Variants in UNC79 observed in about 807,000 individuals in gnomAD.
The protein encoded by UNC79 is protein unc-79 homolog.
UNC79 carries 37 observed loss-of-function variants against 283.1 expected under a neutral mutation model. The ratio of observed to expected loss-of-function variants is 0.13; its 90% CI spans 0.10 to 0.17. UNC79 has a LOEUF of 0.17. UNC79 is among the 10% of genes least tolerant of loss of function. The pLI is 1.00. For missense variants in UNC79, 2,272 were observed against 3,211.1 expected (o/e 0.71, Z 7.07); for synonymous variants, 1,107 against 1,200.2 (o/e 0.92, Z 1.61).
At chr14:93,472,896 C>G (rs1175462935) in intron 2 of UNC79, among the ~76,000 whole-genome samples, 1 of 152,084 alleles carries the variant, frequency 6.6e-6, no homozygotes, top group Non-Finnish European at 1.5e-5. Context: ...TTTGCAAGTG[C>G]GCAGATATTA....
intron 31 of UNC79, among the ~76,000 whole-genome samples, chr14:93,635,537 A>G (rs925793912): frequency 6.6e-6 from 1 of 152,218 alleles, no homozygotes; most frequent in African/African-American, 2.4e-5. Flanking sequence ...TATGAATTAT[A>G]ATATCCACAA....
chr14:93,514,847 T>C (rs2059982020), intron 7 of UNC79, among the ~76,000 whole-genome samples: 1 of 152,234 alleles, frequency 6.6e-6, no homozygotes, highest in Non-Finnish European at 1.5e-5. Context: ...CTGTGCTGTA[T>C]CTATGCCCAA....
rs189338478 is a variant in UNC79 at position 93,366,355 on chromosome 14, C to T, written c.-351+32832C>T. Among the ~76,000 whole-genome samples, 275 of 152,234 alleles carry T rather than the reference C, an allele frequency of 1.8e-3. 1 individual carries two copies. Among genetic ancestry groups the T allele is most frequent in the South Asian group, 5.8e-3 (28 of 4,816 alleles). On this transcript the variant is annotated intron_variant, in intron 1 of 49. Coordinates refer to the UNC79 transcript ENST00000256339. Reference sequence around the variant, plus strand: ...GATCCGAAACAGTATCTGTTCAGTGCATCTTTCCATGGCTCTCAGGTTCTT... The same window carrying T: ...GATCCGAAACAGTATCTGTTCAGTGTATCTTTCCATGGCTCTCAGGTTCTT...
rs2057707302 is a variant in UNC79, at chr14:93,474,814, T to C, written c.448+421T>C. On this transcript the variant is annotated intron_variant, in intron 3 of 48. Coordinates refer to ENST00000555664, the Ensembl canonical transcript of UNC79. The surrounding 1 kb of genome is among the most constrained non-coding windows in gnomAD (Gnocchi z 4.1). Reference sequence around the variant, plus strand: ...TTCGGTAATTTTTGAGGGAGCAAATTCTCTAGGACCCATTTTTTCCTGTCT... The same window carrying C: ...TTCGGTAATTTTTGAGGGAGCAAATCCTCTAGGACCCATTTTTTCCTGTCT... 6.6e-6 allele frequency among the ~76,000 whole-genome samples: 1 copy of C among 152,170 alleles called. No homozygotes were observed. Among genetic ancestry groups the C allele is most frequent in the South Asian group, 2.1e-4 (1 of 4,832 alleles).
chr14:93,650,245 T>C (rs1239647125), intron 35 of UNC79, among the ~76,000 whole-genome samples: 1 of 152,044 alleles, frequency 6.6e-6, no homozygotes, highest in Non-Finnish European at 1.5e-5. Flanking sequence ...TTGGGGGGTA[T>C]AAAAAAATAG....
intron 14 of UNC79, among the ~76,000 whole-genome samples, chr14:93,559,524 T>C (rs2062410724): frequency 6.6e-6 from 1 of 151,978 alleles, no homozygotes; most frequent in African/African-American, 2.4e-5. Flanking sequence ...GGCCATTTTA[T>C]AGGATTTGGG....
upstream of UNC79, chr14:93,333,207 T>C: frequency 2.6e-6 from 1 of 386,860 alleles, no homozygotes; most frequent in Non-Finnish European, 4.5e-6. Flanking sequence ...GGGAGCGGAG[T>C]GCGCGCGCAT....
chr14:93,457,118 A>G (rs1023729168), intron 1 of UNC79, among the ~76,000 whole-genome samples: 3 of 152,240 alleles, frequency 2.0e-5, no homozygotes, highest in Admixed American at 6.5e-5. Context: ...AATAAATTCT[A>G]AACTGCTCCA....
At chr14:93,466,981 T>A (rs1257836209) in intron 1 of UNC79, 4 of 880,880 alleles carry the variant, frequency 4.5e-6, no homozygotes, top group Admixed American at 6.2e-5. Flanking sequence ...AGAAAGCTAT[T>A]AGGAAGTCTC....
chr14:93,670,631 G>C (rs1046814418), intron 40 of UNC79, among the ~76,000 whole-genome samples: 4 of 152,208 alleles, frequency 2.6e-5, no homozygotes, highest in Admixed American at 2.6e-4. Context: ...CTTTTCTTTT[G>C]GGTTTTTATG....
chr14:93,629,828 T>A (rs1329639865), intron 30 of UNC79, among the ~76,000 whole-genome samples: 1 of 152,212 alleles, frequency 6.6e-6, no homozygotes, highest in East Asian at 1.9e-4. Context: ...AGGGTTGACA[T>A]CCCTGAATTC....
intron 1 of UNC79, chr14:93,347,216 G>A: frequency 6.6e-7 from 1 of 1,526,702 alleles, no homozygotes; most frequent in South Asian, 1.2e-5. Flanking sequence ...TGCGTTACTT[G>A]GCCTCACCTC....
intron 7 of UNC79, among the ~76,000 whole-genome samples, chr14:93,514,904 T>A (rs1024645051): frequency 6.6e-6 from 1 of 152,184 alleles, no homozygotes; most frequent in African/African-American, 2.4e-5. Flanking sequence ...CAATACCAGC[T>A]TTTTATTATG....
intron 27 of UNC79, among the ~76,000 whole-genome samples, chr14:93,614,953 G>A (rs1011372417): frequency 6.6e-6 from 1 of 152,104 alleles, no homozygotes; most frequent in Non-Finnish European, 1.5e-5. Flanking sequence ...TGGGTGGTAG[G>A]GTAAATGTAT....
chr14:93,642,919 G>A (rs2069205370), intron 33 of UNC79, among the ~76,000 whole-genome samples: 1 of 152,152 alleles, frequency 6.6e-6, no homozygotes, highest in Non-Finnish European at 1.5e-5. Flanking sequence ...CCCTACATTA[G>A]GACACTACAA....
At chr14:93,519,795 A>G (rs931470714) in intron 7 of UNC79, among the ~76,000 whole-genome samples, 1 of 151,860 alleles carries the variant, frequency 6.6e-6, no homozygotes, top group African/African-American at 2.4e-5. Flanking sequence ...TTTACATATA[A>G]TGTAAGGCCT....
chr14:93,511,967 C>T (rs1397714122), intron 7 of UNC79, among the ~76,000 whole-genome samples: 1 of 151,820 alleles, frequency 6.6e-6, no homozygotes, highest in Non-Finnish European at 1.5e-5. Flanking sequence ...TCTAATTATC[C>T]ATTTAAAATT....
rs754475637 is a variant in UNC79, at chr14:93,612,995, A to G, written c.3953A>G (p.Tyr1318Cys). Residue 1318 changes from tyrosine to cysteine, a missense_variant, in exon 27 of 49, where the codon TAT becomes TGT. Physicochemically the swap from Tyr to Cys is radical, Grantham distance 194. This residue lies in a region of UNC79 where 128 missense variants were observed against 230.3 expected (regional missense o/e 0.56). Coordinates refer to ENST00000555664, the Ensembl canonical transcript of UNC79. ...CGACACCTGTACGTCTTACTCGGCT[A>G]TGACCAGCAGGAAGGTTGCTTCATG... 2.0e-5 allele frequency: 33 copies of G among 1,614,100 alleles called. No homozygotes were observed. In the Middle Eastern group the frequency reaches 6.6e-4, roughly 32 times the overall value.
Position 93,703,150 on chromosome 14 carries a change from C to T in UNC79, c.7549-1475C>T, listed in dbSNP as rs201334504. On this transcript the variant is annotated intron_variant, in intron 47 of 48. Transcript: ENST00000555664. The stretch of plus-strand genomic sequence containing the variant: ...ATGTCAGCATCACGTGACTGTCTCC[C>T]CTCCCCGACTCTCTGCACACTCCCA... 1.1e-4 allele frequency among the ~76,000 whole-genome samples: 17 copies of T among 152,296 alleles called. No homozygotes were observed. The East Asian group carries it at 1.7e-3, about 16-fold the overall frequency.
Sources: gnomAD v4.1 joint callset for allele counts (sites outside exome capture counted in the v4.1 genomes callset) on GRCh38, gnomAD v4.1.1 for gene constraint, gnomAD v4.1.1 regional missense constraint, Gnocchi (gnomAD v3.1) non-coding constraint, MANE v1.5 for transcripts, NCBI Gene and HGNC (gene_info 2026-07-23, HGNC 2026-07-21) for gene names.